TENM1: variants seen among roughly 807,000 people sequenced by gnomAD.
The protein encoded by TENM1 is teneurin-1.
Under a neutral mutation model 174.8 loss-of-function variants are expected in TENM1, and 35 were observed. The observed-to-expected ratio is 0.20, with a 90% CI of 0.15 to 0.27. The LOEUF (loss-of-function observed/expected upper bound fraction) is 0.27. TENM1 is among the 10% of genes least tolerant of loss of function. TENM1 has a pLI of 1.00. For missense variants in TENM1, 1,633 were observed against 2,130.1 expected, an observed-to-expected ratio of 0.77 and a Z score of 4.59; for synonymous variants, 781 against 798.7, an observed-to-expected ratio of 0.98 and a Z score of 0.37.
chrX:125,009,731 T>C, the TENM1 span, among the ~76,000 whole-genome samples: 1 of 111,872 alleles, frequency 8.9e-6, no homozygotes, highest in African/African-American at 3.3e-5. Flanking sequence ...GTTCAACATA[T>C]ACAAATCAAT....
the TENM1 span, among the ~76,000 whole-genome samples, chrX:125,018,346 A>G: frequency 9.0e-6 from 1 of 111,382 alleles, no homozygotes; most frequent in Non-Finnish European, 1.9e-5. Flanking sequence ...TTTTGGTTAC[A>G]TTGCCACACT....
intron 11 of TENM1, among the ~76,000 whole-genome samples, chrX:124,618,841 G>T (rs747048871): frequency 1.8e-5 from 2 of 112,528 alleles, no homozygotes; most frequent in Admixed American, 9.4e-5. Context: ...AGCACTTAGG[G>T]AGGCTGAGGC....
At chrX:124,470,243 T>C (rs2061284709) in intron 22 of TENM1, among the ~76,000 whole-genome samples, 1 of 112,283 alleles carries the variant, frequency 8.9e-6, no homozygotes, top group Non-Finnish European at 1.9e-5. Context: ...TAATACATTA[T>C]GGTGTATCCA....
At chrX:124,463,839 GTGTGT>G in intron 22 of TENM1, among the ~76,000 whole-genome samples, 1 of 62,799 alleles carries the variant, frequency 1.6e-5, no homozygotes, top group African/African-American at 1.2e-4. Flanking sequence ...AGGTTGGGGT[GTGTGT>G]GTGTGTGTGT....
In TENM1 at chrX:124,602,799, A is replaced by G. The variant is rs770706333; in HGVS notation, c.2078-37239T>C. Among the ~76,000 whole-genome samples, 3 of 111,740 alleles carry G rather than the reference A, an allele frequency of 2.7e-5. No homozygotes were observed. In the East Asian group the frequency reaches 8.4e-4, roughly 31 times the overall value. ...CCTAAAAGATGATGAAGCCAGAGAA[A>G]GTGAAACTGAAGATGTCTTACCAAG... On this transcript the variant is annotated intron_variant, in intron 11 of 31. Coordinates refer to ENST00000422452, the Ensembl canonical transcript of TENM1.
chrX:124,471,976 A>T (rs763155846), intron 22 of TENM1, among the ~76,000 whole-genome samples: 1 of 107,114 alleles, frequency 9.3e-6, no homozygotes, highest in African/African-American at 3.4e-5. Flanking sequence ...GAGTAAGGGG[A>T]AGTGCATTTT....
At chrX:124,907,890 T>A (rs1470453656) in intron 1 of TENM1, among the ~76,000 whole-genome samples, 1 of 112,115 alleles carries the variant, frequency 8.9e-6, no homozygotes, top group African/African-American at 3.2e-5. Flanking sequence ...TACATTACAG[T>A]CCTATCATTA....
At chrX:124,965,034 A>G (rs2058706980), upstream of TENM1, among the ~76,000 whole-genome samples, 1 of 108,992 alleles carries the variant, frequency 9.2e-6, no homozygotes, top group Non-Finnish European at 1.9e-5. Flanking sequence ...TTAGCTTTTC[A>G]AAGTATGATG....
intron 14 of TENM1, among the ~76,000 whole-genome samples, chrX:124,551,684 T>A (rs991692074): frequency 8.9e-6 from 1 of 111,900 alleles, no homozygotes; most frequent in Non-Finnish European, 1.9e-5. Flanking sequence ...CCAAATTATT[T>A]ACATTTATTA....
chrX:124,531,479 T>C (rs1393561311), intron 15 of TENM1, among the ~76,000 whole-genome samples: 1 of 112,161 alleles, frequency 8.9e-6, no homozygotes, highest in Non-Finnish European at 1.9e-5. Flanking sequence ...TAATAGGATT[T>C]ATCCTCTTCT....
At chrX:124,427,366 T>C (rs2060730551) in intron 23 of TENM1, among the ~76,000 whole-genome samples, 1 of 112,327 alleles carries the variant, frequency 8.9e-6, no homozygotes, top group East Asian at 2.8e-4. Context: ...ACGATTGGTG[T>C]CATGTTTATT....
At chrX:124,753,943 A>T (rs2054154436) in intron 3 of TENM1, among the ~76,000 whole-genome samples, 1 of 111,540 alleles carries the variant, frequency 9.0e-6, no homozygotes, top group African/African-American at 3.3e-5. Context: ...TATTGGTCTA[A>T]AATTCTCTTT....
intron 4 of TENM1, among the ~76,000 whole-genome samples, chrX:124,723,596 T>TG (rs2053371008): frequency 1.0e-5 from 1 of 99,287 alleles, no homozygotes; most frequent in African/African-American, 3.9e-5. Context: ...GGTGGGTTTT[T>TG]TTTTTTGTTT....
At chrX:124,826,191 C>A (rs2056156412) in intron 3 of TENM1, among the ~76,000 whole-genome samples, 1 of 110,875 alleles carries the variant, frequency 9.0e-6, no homozygotes, top group South Asian at 3.8e-4. Context: ...GGGCAGATCG[C>A]TTGAACCCAG....
chrX:124,727,502 A>G (rs369322438), intron 4 of TENM1, among the ~76,000 whole-genome samples: 4 of 111,888 alleles, frequency 3.6e-5, no homozygotes, highest in Non-Finnish European at 1.9e-5. Flanking sequence ...AATTCCACTT[A>G]AAAGTGAACC....
chrX:125,020,475 A>G, the TENM1 span, among the ~76,000 whole-genome samples: 2 of 109,823 alleles, frequency 1.8e-5, no homozygotes, highest in East Asian at 2.8e-4. Context: ...AACTTTCCCA[A>G]AGTTTTTTTC....
the TENM1 span, among the ~76,000 whole-genome samples, chrX:125,007,908 T>C: frequency 2.7e-5 from 3 of 111,684 alleles, no homozygotes; most frequent in African/African-American, 9.8e-5. Context: ...GAAAAACCAG[T>C]ACCAGCCACT....
At chrX:124,881,981 G>A (rs1172723296) in intron 3 of TENM1, among the ~76,000 whole-genome samples, 3 of 111,847 alleles carry the variant, frequency 2.7e-5, no homozygotes, top group African/African-American at 9.7e-5. Context: ...CGCCCACTTC[G>A]GCCTCCCGAA....
At chrX:125,081,274 C>G in the TENM1 span, among the ~76,000 whole-genome samples, 1 of 111,130 alleles carries the variant, frequency 9.0e-6, no homozygotes, top group Non-Finnish European at 1.9e-5. Context: ...CGTATTTTGT[C>G]CAATAGTTTC....
Sources: gnomAD v4.1 joint callset for allele counts (sites outside exome capture counted in the v4.1 genomes callset) on GRCh38, gnomAD v4.1.1 for gene constraint, MANE v1.5 for transcripts, NCBI Gene and HGNC (gene_info 2026-07-23, HGNC 2026-07-21) for gene names.